TXNDC11: variants seen among roughly 807,000 people sequenced by gnomAD.
The protein encoded by TXNDC11 is thioredoxin domain-containing protein 11.
Under a neutral mutation model 78.0 loss-of-function variants are expected in TXNDC11, and 68 were observed. The ratio of observed to expected loss-of-function variants is 0.87; its 90% CI spans 0.72 to 1.07. The LOEUF (loss-of-function observed/expected upper bound fraction) is 1.07. Ranked by LOEUF, TXNDC11 falls within the 50% of genes least tolerant of loss-of-function variation. The pLI, the probability that TXNDC11 is intolerant of heterozygous loss-of-function variation, is 0.00. For synonymous variants in TXNDC11, 571 were observed against 495.2 expected, an observed-to-expected ratio of 1.15 and a Z score of -2.03; for missense variants, 1,389 against 1,221.8, an observed-to-expected ratio of 1.14 and a Z score of -2.04.
intron 4 of TXNDC11, among the ~76,000 whole-genome samples, chr16:11,726,779 GCA>G (rs2141102373): frequency 6.6e-6 from 1 of 152,180 alleles, no homozygotes; most frequent in Admixed American, 6.5e-5. Flanking sequence ...CGTCAGCGGG[GCA>G]CAGTGGCTCA....
Position 11,687,970 on chromosome 16 carries a change from T to C in TXNDC11, c.2044-4A>G. ...CGTAATAGAGCAGGAGAACGTCCTG[T>C]GGGAAAGGGAAGACAGATGTTACTT... is the stretch of plus-strand genomic sequence containing the variant. On this transcript the variant is annotated splice_polypyrimidine_tract_variant and splice_region_variant and intron_variant, in intron 9 of 11. Coordinates refer to ENST00000283033, the MANE Select transcript of TXNDC11 (RefSeq NM_015914.7). The C allele has an allele frequency of 1.2e-6, 2 of 1,604,084 alleles. No individual in the cohort carries two copies. Among genetic ancestry groups the C allele is most frequent in the Non-Finnish European group, 8.5e-7 (1 of 1,171,372 alleles).
rs1476619447 is a variant in TXNDC11 at position 11,688,445 on chromosome 16, T to C, written c.1901A>G (p.Glu634Gly). 5 of 1,600,044 alleles carry C rather than the reference T, an allele frequency of 3.1e-6. No homozygotes were observed. Among genetic ancestry groups the C allele is most frequent in the Non-Finnish European group, 4.3e-6 (5 of 1,173,246 alleles). The change falls in exon 9 of 12, where the codon GAG becomes GGG. Residue 634 changes from glutamate to glycine, a missense_variant and splice_region_variant. Transcript: ENST00000283033. ...AACGCTGAAGTTTTGAATAAAAGAC[T>C]CTAAAAATAAAGAGAAAATGAGATC... ...PKQALMKLTL[E>G]SFIQNFSVLY...
At chr16:11,707,942 A>C (rs548661134) in intron 5 of TXNDC11, among the ~76,000 whole-genome samples, 3 of 151,830 alleles carry the variant, frequency 2.0e-5, no homozygotes, top group Non-Finnish European at 4.4e-5. Context: ...AAATTCGCTG[A>C]GCGTGATGAT....
At chr16:11,688,014 T>G in intron 9 of TXNDC11, 48 bp from the exon 10 acceptor site, 1 of 1,351,364 alleles carries the variant, frequency 7.4e-7, no homozygotes, top group Non-Finnish European at 1.0e-6. Flanking sequence ...AAATGGGCTC[T>G]TCTTCATTTC....
intron 4 of TXNDC11, among the ~76,000 whole-genome samples, chr16:11,724,399 T>C (rs1299044007): frequency 6.6e-6 from 1 of 152,154 alleles, no homozygotes; most frequent in African/African-American, 2.4e-5. Flanking sequence ...GCCAGAAAAT[T>C]AGTCACTGAA....
At chr16:11,681,190 A>G (rs771491149) in intron 11 of TXNDC11, among the ~76,000 whole-genome samples, 14 of 152,118 alleles carry the variant, frequency 9.2e-5, no homozygotes, top group Non-Finnish European at 1.9e-4. Flanking sequence ...AAAACCAAAA[A>G]ACCCCACAAC....
chr16:11,683,216 G>C (rs544537921), intron 11 of TXNDC11, among the ~76,000 whole-genome samples: 1 of 152,168 alleles, frequency 6.6e-6, no homozygotes, highest in Non-Finnish European at 1.5e-5. Flanking sequence ...CTGGAAGTCC[G>C]CTCCCCCTTG....
Position 11,721,613 on chromosome 16 carries a change from T to G in TXNDC11, c.757A>C (p.Thr253Pro). The change falls in exon 5 of 12, where the codon ACC becomes CCC. Residue 253 changes from threonine (T) to proline (P), a missense_variant. By Grantham distance (38) the Thr-to-Pro change is conservative. Transcript: ENST00000283033. ...SGSPQPPGYL[T>P]FFTSALHSLK... ...GAATGTAATGCTGAGGTGAAGAAGG[T>G]CAAATAACCAGGAGGCTGGGGTGAG... The G allele has an allele frequency of 6.2e-7, 1 of 1,612,146 alleles. No homozygotes were observed. Among genetic ancestry groups the G allele is most frequent in the Non-Finnish European group, 8.5e-7 (1 of 1,178,804 alleles).
At chr16:11,735,449 T>C (rs2052192196) in intron 2 of TXNDC11, among the ~76,000 whole-genome samples, 1 of 152,226 alleles carries the variant, frequency 6.6e-6, no homozygotes, top group South Asian at 2.1e-4. Context: ...CATCTATGAA[T>C]TCCTTTTTAG....
At chr16:11,687,342 A>G (rs2050592876) in intron 10 of TXNDC11, among the ~76,000 whole-genome samples, 1 of 151,164 alleles carries the variant, frequency 6.6e-6, no homozygotes, top group African/African-American at 2.4e-5. Flanking sequence ...CCATCTAAAG[A>G]CTCTGTATTT....
At position 11,721,624 on chromosome 16, in the gene TXNDC11, G is replaced by A. The variant is rs748651590; in HGVS notation, c.746C>T (p.Pro249Leu). 25 of 1,612,584 alleles carry A rather than the reference G, an allele frequency of 1.6e-5. No individual in the cohort carries two copies. The highest frequency in any genetic ancestry group is 2.0e-5 in the Non-Finnish European group (24 of 1,179,204). ...YFEFSGSPQP[P>L]GYLTFFTSAL... is the part of the protein sequence containing the mutation. ...TGAGGTGAAGAAGGTCAAATAACCAGGAGGCTGGGGTGAGCCACTGAACTC... is the reference window on the plus strand; with the variant it reads ...TGAGGTGAAGAAGGTCAAATAACCAAGAGGCTGGGGTGAGCCACTGAACTC... The change falls in exon 5 of 12, where the codon CCT becomes CTT. Residue 249 changes from proline (P) to leucine (L), a missense_variant. By Grantham distance (98) the Pro-to-Leu change is moderately conservative. Transcript: ENST00000283033.
At chr16:11,680,298 C>A (rs2141952500) in intron 11 of TXNDC11, among the ~76,000 whole-genome samples, 1 of 152,348 alleles carries the variant, frequency 6.6e-6, no homozygotes, top group Admixed American at 6.5e-5. Flanking sequence ...GAAAGATACC[C>A]AGTCTGTTTC....
chr16:11,714,316 G>A (rs964288060), intron 5 of TXNDC11, among the ~76,000 whole-genome samples: 28 of 152,274 alleles, frequency 1.8e-4, no homozygotes, highest in Admixed American at 1.8e-3. Flanking sequence ...GAGCCACCGT[G>A]CCCCGCCAAG....
intron 5 of TXNDC11, among the ~76,000 whole-genome samples, chr16:11,715,157 CAGG>C (rs2051491236): frequency 6.6e-6 from 1 of 152,126 alleles, no homozygotes; most frequent in African/African-American, 2.4e-5. Flanking sequence ...GAAGCTGAGG[CAGG>C]AGAATTGCTT....
intron 5 of TXNDC11, among the ~76,000 whole-genome samples, chr16:11,705,385 C>T (rs2051153203): frequency 6.6e-6 from 1 of 152,192 alleles, no homozygotes; most frequent in Admixed American, 6.5e-5. Flanking sequence ...GCATATAAGT[C>T]CAGATCCCAA....
intron 7 of TXNDC11, among the ~76,000 whole-genome samples, chr16:11,695,708 A>G (rs1168851322): frequency 6.6e-6 from 1 of 152,136 alleles, no homozygotes; most frequent in East Asian, 1.9e-4. Context: ...ATGATAACGC[A>G]CAGCCCTGGC....
chr16:11,683,254 G>A (rs536463445), intron 11 of TXNDC11, among the ~76,000 whole-genome samples: 1 of 152,324 alleles, frequency 6.6e-6, no homozygotes, highest in East Asian at 1.9e-4. Context: ...GGGGCTTCCG[G>A]GGTAGTTGCC....
rs570658280 is a variant in TXNDC11 at position 11,706,749 on chromosome 16, C to G, written c.794-6185G>C. On this transcript the variant is annotated intron_variant, in intron 5 of 11. Coordinates refer to ENST00000283033, the MANE Select transcript of TXNDC11 (RefSeq NM_015914.7). Reference sequence around the variant, plus strand: ...CAGCTACCAAGGGTTCCTGAAAGACCTGAAACTCCATCTGGTTTCCACTCA... The same window carrying G: ...CAGCTACCAAGGGTTCCTGAAAGACGTGAAACTCCATCTGGTTTCCACTCA... Among the ~76,000 whole-genome samples, 9 of 152,338 alleles carry G rather than the reference C, an allele frequency of 5.9e-5. No homozygotes were observed. The East Asian group carries it at 1.7e-3, about 29-fold the overall frequency.
chr16:11,708,704 T>C (rs1003051668), intron 5 of TXNDC11, among the ~76,000 whole-genome samples: 4 of 152,252 alleles, frequency 2.6e-5, no homozygotes, highest in South Asian at 2.1e-4. Context: ...TTAATCATCA[T>C]GGATAAGAAG....
Sources: gnomAD v4.1 joint callset for allele counts (sites outside exome capture counted in the v4.1 genomes callset) on GRCh38, gnomAD v4.1.1 for gene constraint, MANE v1.5 for transcripts, NCBI Gene and HGNC (gene_info 2026-07-23, HGNC 2026-07-21) for gene names.